Variants in CAAP1 observed in about 807,000 individuals in gnomAD.
The protein encoded by CAAP1 is conserved anti-apoptotic protein.
CAAP1 carries 20 observed loss-of-function variants against 34.0 expected under a neutral mutation model. The ratio of observed to expected loss-of-function variants is 0.59; its 90% CI spans 0.41 to 0.86. CAAP1 has a LOEUF of 0.86. CAAP1 is among the 40% of genes least tolerant of loss of function. The probability of loss-of-function intolerance (pLI) is 0.00; values close to 1 mark genes in which losing one functional copy is unlikely to be tolerated. For missense variants in CAAP1, 538 were observed against 450.5 expected, an observed-to-expected ratio of 1.19 and a Z score of -1.76; for synonymous variants, 213 against 166.7, an observed-to-expected ratio of 1.28 and a Z score of -2.14.
intron 5 of CAAP1, among the ~76,000 whole-genome samples, chr9:26,855,063 A>G (rs1205636712): frequency 2.0e-5 from 3 of 152,376 alleles, no homozygotes; most frequent in Admixed American, 6.5e-5. Flanking sequence ...TATTTTATCC[A>G]TAATTGCCAA....
At position 26,841,870 on chromosome 9, in the gene CAAP1, CA is replaced by C. The variant is rs1254753253; in HGVS notation, c.*430del. ...TATATATTTAAAAAGTGCATATAAG[CA>C]AAACTAAATTTCTCAAATTAAATAA... On this transcript the variant is annotated 3_prime_UTR_variant, in exon 6 of 6. Transcript: ENST00000333916. 2.0e-5 allele frequency: 3 copies of C among 152,348 alleles called. No individual in the cohort carries two copies. The highest frequency in any genetic ancestry group is 4.4e-5 in the Non-Finnish European group (3 of 68,270). The allele number at this position is 152,348 out of a possible 1,614,324, so 9.4% of individuals were successfully genotyped here. A position where few individuals can be genotyped will look rare whatever the true frequency, so the allele number is the denominator to read the frequency against.
At chr9:26,847,374 C>A (rs1822643030) in intron 5 of CAAP1, among the ~76,000 whole-genome samples, 1 of 151,620 alleles carries the variant, frequency 6.6e-6, no homozygotes, top group Admixed American at 6.6e-5. Context: ...GCCACCACGC[C>A]CAGCTAATTT....
chr9:26,889,039 T>C (rs1823832032), intron 1 of CAAP1, among the ~76,000 whole-genome samples: 1 of 152,162 alleles, frequency 6.6e-6, no homozygotes, highest in South Asian at 2.1e-4. Flanking sequence ...TTATGTTAAG[T>C]AAAAGATGCC....
In CAAP1 at chr9:26,842,654, C is replaced by A. The variant is rs768313944; in HGVS notation, c.740-7G>T. On this transcript the variant is annotated splice_region_variant and splice_polypyrimidine_tract_variant and intron_variant, in intron 5 of 5. Transcript: ENST00000333916. ...TCACTATCTTCCCCTTTTCCTGTAA[C>A]CAAAAAAGGAGAAAGATCCATGTAA... is the stretch of plus-strand genomic sequence containing the variant. 1 of 1,570,422 alleles carries A rather than the reference C, an allele frequency of 6.4e-7. No individual in the cohort carries two copies. The highest frequency in any genetic ancestry group is 1.2e-5 in the South Asian group (1 of 83,960).
At chr9:26,877,722 C>T (rs575132946) in intron 4 of CAAP1, among the ~76,000 whole-genome samples, 1 of 152,186 alleles carries the variant, frequency 6.6e-6, no homozygotes, top group African/African-American at 2.4e-5. Flanking sequence ...AAATCTGCTT[C>T]CATGTTATTT....
At chr9:26,859,983 T>A (rs1426654507) in intron 5 of CAAP1, among the ~76,000 whole-genome samples, 1 of 152,184 alleles carries the variant, frequency 6.6e-6, no homozygotes, top group Non-Finnish European at 1.5e-5. Flanking sequence ...AAAAGACCAG[T>A]TTTTAAACAA....
chr9:26,848,613 C>T (rs1029103076), intron 5 of CAAP1, among the ~76,000 whole-genome samples: 2 of 152,172 alleles, frequency 1.3e-5, no homozygotes, highest in Admixed American at 1.3e-4. Context: ...CAAGTGTTTA[C>T]TTTTATCTAA....
intron 4 of CAAP1, among the ~76,000 whole-genome samples, chr9:26,883,205 G>C (rs566431963): frequency 2.6e-5 from 4 of 152,070 alleles, no homozygotes; most frequent in East Asian, 1.9e-4. Context: ...AGAATGATAC[G>C]GTTTGGCTGT....
In CAAP1 at chr9:26,842,532, T is replaced by A; in HGVS notation, c.855A>T (p.Gln285His). ...AAPEAPENTV[Q>H]SEAGQIDDLE... ...GGTCATCTATCTGACCAGCTTCACTTTGGACTGTATTTTCTGGTGCCTCGG... is the reference window on the plus strand; with the variant it reads ...GGTCATCTATCTGACCAGCTTCACTATGGACTGTATTTTCTGGTGCCTCGG... Residue 285 changes from glutamine (Q) to histidine (H), a missense_variant, in exon 6 of 6, where the codon CAA (glutamine) becomes CAT (histidine). Gln to His is a conservative substitution (Grantham distance 24). This residue lies in a region of CAAP1 where 514 missense variants were observed against 408.4 expected (regional missense o/e 1.26). Coordinates refer to ENST00000333916, the MANE Select transcript of CAAP1 (RefSeq NM_024828.4). The A allele has an allele frequency of 6.2e-7, 1 of 1,614,182 alleles. No individual in the cohort carries two copies. Among genetic ancestry groups the A allele is most frequent in the South Asian group, 1.1e-5 (1 of 91,076 alleles).
chr9:26,855,414 CATT>C (rs2131303768), intron 5 of CAAP1, among the ~76,000 whole-genome samples: 1 of 152,144 alleles, frequency 6.6e-6, no homozygotes, highest in South Asian at 2.1e-4. Flanking sequence ...GGATTGATGT[CATT>C]ATAAAATTAT....
At chr9:26,866,895 A>G (rs1823150789) in intron 4 of CAAP1, among the ~76,000 whole-genome samples, 1 of 152,200 alleles carries the variant, frequency 6.6e-6, no homozygotes, top group South Asian at 2.1e-4. Flanking sequence ...CAGATGCTCT[A>G]CAGCAGGGGT....
chr9:26,868,393 G>A (rs1823190570), intron 4 of CAAP1, among the ~76,000 whole-genome samples: 1 of 152,124 alleles, frequency 6.6e-6, no homozygotes, highest in Admixed American at 6.6e-5. Flanking sequence ...TGAAGATGAA[G>A]GAAAGGGCCA....
In CAAP1 at chr9:26,842,043, A is replaced by G. The variant is rs1712472536; in HGVS notation, c.*258T>C. 1 of 305,654 alleles carries G rather than the reference A, an allele frequency of 3.3e-6. No homozygotes were observed. The allele number at this position is 305,654 out of a possible 1,614,324, so 18.9% of individuals were successfully genotyped here. A position where few individuals can be genotyped will look rare whatever the true frequency, so the allele number is the denominator to read the frequency against. On this transcript the variant is annotated 3_prime_UTR_variant, in exon 6 of 6. Coordinates refer to ENST00000333916, the MANE Select transcript of CAAP1 (RefSeq NM_024828.4). ...AATGGCTTTTAAGATTTGCAGACAC[A>G]GCTAAATACTCATCTAACAAAGTAT...
At chr9:26,856,135 G>GA (rs1296274442) in intron 5 of CAAP1, among the ~76,000 whole-genome samples, 1 of 151,106 alleles carries the variant, frequency 6.6e-6, no homozygotes, top group African/African-American at 2.4e-5. Flanking sequence ...AAAAGGGGGG[G>GA]GGTAGAATTT....
In CAAP1 at chr9:26,847,198, A is replaced by ATTTTTTTTTTTT. The variant is rs1171628621; in HGVS notation, c.740-4563_740-4552dup. On this transcript the variant is annotated intron_variant, in intron 5 of 5. Coordinates refer to ENST00000333916, the MANE Select transcript of CAAP1 (RefSeq NM_024828.4). ...TTTTTACTAGTAAGTAAAAAGCAAT[A>ATTTTTTTTTTTT]TTTTTTTTTTTTTTTTTTTTTTTTT... Among the ~76,000 whole-genome samples the ATTTTTTTTTTTT allele has an allele frequency of 7.8e-3, 271 of 34,754 alleles. 94 individuals carry two copies. The highest frequency in any genetic ancestry group is 9.8e-3 in the Non-Finnish European group (197 of 20,066). 22.8% of individuals were successfully genotyped at this position (34,754 alleles called of 152,430 possible).
chr9:26,877,955 T>C (rs1823485198), intron 4 of CAAP1, among the ~76,000 whole-genome samples: 1 of 152,082 alleles, frequency 6.6e-6, no homozygotes, highest in Non-Finnish European at 1.5e-5. Context: ...ATGTTTCATT[T>C]TCTCTTTCTA....
chr9:26,880,484 A>G lies in CAAP1; in HGVS notation c.665+4326T>C, dbSNP rs1183464129. 11 of 187,502 alleles carry G rather than the reference A, an allele frequency of 5.9e-5. No homozygotes were observed. In the South Asian group the frequency reaches 9.8e-4, roughly 17 times the overall value. 11.6% of individuals were successfully genotyped at this position (187,502 alleles called of 1,614,324 possible). The stretch of plus-strand genomic sequence containing the variant: ...GTGCACTCTTGTAAGCAGCCTTTGT[A>G]GTCAGTTGCTTCCTGGATGCTTTAC... On this transcript the variant is annotated intron_variant, in intron 4 of 5. Coordinates refer to ENST00000333916, the MANE Select transcript of CAAP1 (RefSeq NM_024828.4).
intron 4 of CAAP1, among the ~76,000 whole-genome samples, chr9:26,883,934 C>G (rs1002404523): frequency 6.6e-6 from 1 of 152,080 alleles, no homozygotes; most frequent in Non-Finnish European, 1.5e-5. Context: ...ATATAAATTA[C>G]CCTATAACAC....
chr9:26,874,143 C>T (rs1044157533), intron 4 of CAAP1, among the ~76,000 whole-genome samples: 1 of 134,254 alleles, frequency 7.4e-6, no homozygotes, highest in African/African-American at 2.9e-5. Flanking sequence ...GGAGGTGGAA[C>T]TTGCAGTGAG....
Sources: allele counts gnomAD v4.1 joint callset (sites outside exome capture counted in the v4.1 genomes callset), GRCh38; gene constraint gnomAD v4.1.1; regional missense constraint gnomAD v4.1.1; transcripts MANE v1.5; gene names NCBI Gene and HGNC (gene_info 2026-07-23, HGNC 2026-07-21).